The following CALN1 variants were observed in gnomAD, a reference collection of about 807,000 sequenced individuals.
CALN1 encodes the protein calcium-binding protein 8.
A neutral mutation model predicts 30.6 loss-of-function variants in CALN1; 17 were observed. That is an observed-to-expected ratio of 0.56 (90% CI 0.38 to 0.83). CALN1 has a LOEUF of 0.83. Among genes scored for constraint, CALN1 ranks in the 40% least tolerant of loss-of-function variants. The probability of loss-of-function intolerance (pLI) is 0.00; values close to 1 mark genes in which losing one functional copy is unlikely to be tolerated. For synonymous variants in CALN1, 156 were observed against 131.4 expected, an observed-to-expected ratio of 1.19 and a Z score of -1.28; for missense variants, 291 against 354.9, an observed-to-expected ratio of 0.82 and a Z score of 1.45.
chr7:72,213,471 G>C (rs1378265902), intron 3 of CALN1, among the ~76,000 whole-genome samples: 1 of 152,176 alleles, frequency 6.6e-6, no homozygotes, highest in African/African-American at 2.4e-5. Flanking sequence ...AAATGGGCTT[G>C]AGGATGTGTT....
intron 3 of CALN1, among the ~76,000 whole-genome samples, chr7:72,182,736 GA>G (rs11388147): frequency 2.1e-5 from 3 of 140,156 alleles, no homozygotes; most frequent in African/African-American, 5.5e-5. Flanking sequence ...AACAAAAAAT[GA>G]AAAAAAAATG....
intron 2 of CALN1, among the ~76,000 whole-genome samples, chr7:72,368,645 G>A (rs1008100659): frequency 5.3e-5 from 8 of 152,034 alleles, no homozygotes; most frequent in African/African-American, 1.7e-4. Context: ...TCATACGGAG[G>A]TCATCTGAAA....
chr7:72,452,574 G>A, the CALN1 span, among the ~76,000 whole-genome samples: 30 of 152,130 alleles, frequency 2.0e-4, no homozygotes, highest in Admixed American at 4.6e-4. Flanking sequence ...ACACCTCACC[G>A]GAAGCAGATG....
At chr7:72,049,741 C>T (rs1249817233) in intron 4 of CALN1, among the ~76,000 whole-genome samples, 2 of 151,712 alleles carry the variant, frequency 1.3e-5, no homozygotes, top group Non-Finnish European at 2.9e-5. Flanking sequence ...CTCCTGACCT[C>T]AGGTGATCCA....
intron 5 of CALN1, among the ~76,000 whole-genome samples, chr7:71,926,703 C>T (rs1056329661): frequency 1.3e-5 from 2 of 151,988 alleles, no homozygotes; most frequent in South Asian, 4.1e-4. Flanking sequence ...CTTTTTACCT[C>T]TTTGTGTTTC....
intron 6 of CALN1, among the ~76,000 whole-genome samples, 193 bp from the exon 7 acceptor site, chr7:71,788,095 T>C (rs2115835430): frequency 6.6e-6 from 1 of 152,298 alleles, no homozygotes. Flanking sequence ...TAATACAAAA[T>C]GCCTTCTGGT....
intron 2 of CALN1, among the ~76,000 whole-genome samples, chr7:72,330,514 A>G (rs1801601061): frequency 6.6e-6 from 1 of 151,692 alleles, no homozygotes; most frequent in African/African-American, 2.4e-5. Flanking sequence ...TGGCCATCCA[A>G]TCTGAAGCAG....
At chr7:72,146,701 CT>C (rs1459250129) in intron 3 of CALN1, among the ~76,000 whole-genome samples, 5 of 152,196 alleles carry the variant, frequency 3.3e-5, no homozygotes. Flanking sequence ...AGGCATCACA[CT>C]ACCTGACTTC....
chr7:72,148,038 A>C (rs1208778052), intron 3 of CALN1, among the ~76,000 whole-genome samples: 2 of 151,138 alleles, frequency 1.3e-5, no homozygotes, highest in African/African-American at 4.9e-5. Context: ...ACATGTATAC[A>C]TATGTAACAA....
At chr7:71,897,972 C>CAAAAAAAAAAAA (rs1207497270) in intron 5 of CALN1, among the ~76,000 whole-genome samples, 5 of 59,038 alleles carry the variant, frequency 8.5e-5, no homozygotes, top group Non-Finnish European at 1.1e-4. Context: ...AAACAAAAAA[C>CAAAAAAAAAAAA]AAAAAAAAAA....
At chr7:71,880,341 G>T (rs2116807158) in intron 5 of CALN1, among the ~76,000 whole-genome samples, 1 of 152,236 alleles carries the variant, frequency 6.6e-6, no homozygotes, top group Admixed American at 6.5e-5. Context: ...TTTTGCTTCA[G>T]GAAGACTATA....
At chr7:72,117,084 A>T (rs1808037294) in intron 3 of CALN1, among the ~76,000 whole-genome samples, 1 of 152,038 alleles carries the variant, frequency 6.6e-6, no homozygotes, top group Non-Finnish European at 1.5e-5. Flanking sequence ...AGGCCAAGAC[A>T]GGAGGATCAT....
chr7:72,163,165 T>C (rs1232253491), intron 3 of CALN1, among the ~76,000 whole-genome samples: 1 of 152,114 alleles, frequency 6.6e-6, no homozygotes, highest in East Asian at 1.9e-4. Context: ...GGCTAGTCCC[T>C]TGAAATAAAA....
chr7:72,279,609 C>T (rs1797595540), intron 2 of CALN1, among the ~76,000 whole-genome samples: 1 of 152,178 alleles, frequency 6.6e-6, no homozygotes, highest in Admixed American at 6.5e-5. Flanking sequence ...GCAAGGCTGA[C>T]TGGAGGCTCC....
Position 72,323,217 on chromosome 7 carries a change from TG to T in CALN1, c.120-44408del, listed in dbSNP as rs1306233738. 2.6e-5 allele frequency among the ~76,000 whole-genome samples: 4 copies of T among 151,654 alleles called. No individual in the cohort carries two copies. The East Asian group carries it at 7.8e-4, about 29-fold the overall frequency. On this transcript the variant is annotated intron_variant, in intron 2 of 6. Coordinates refer to ENST00000395275, the MANE Select transcript of CALN1 (RefSeq NM_031468.4). ...AGTGAGTCTGTCTTGTTCTGAGGGG[TG>T]GGAAAGGCAGGAACCCAGTCCTTTG...
chr7:72,081,417 G>GTGTGTGTGTGTGTGTGTGTGTCTGTC (rs145997789), intron 4 of CALN1, among the ~76,000 whole-genome samples: 1 of 146,190 alleles, frequency 6.8e-6, no homozygotes, highest in Non-Finnish European at 1.5e-5. Context: ...GTGTGTGTGT[G>GTGTGTGTGTGTGTGTGTGTGTCTGTC]TGTGTGTTTG....
At chr7:72,373,187 C>G (rs1240631867) in intron 2 of CALN1, among the ~76,000 whole-genome samples, 1 of 151,994 alleles carries the variant, frequency 6.6e-6, no homozygotes, top group Non-Finnish European at 1.5e-5. Context: ...TAGACCTATA[C>G]AAATCACGCA....
chr7:72,248,355 T>C (rs920050532), intron 3 of CALN1, among the ~76,000 whole-genome samples: 2 of 152,138 alleles, frequency 1.3e-5, no homozygotes, highest in African/African-American at 4.8e-5. Context: ...CACCTTGGCC[T>C]CCCAAAGGGC....
At chr7:72,302,893 CAAAAAAAAA>C (rs71069055) in intron 2 of CALN1, among the ~76,000 whole-genome samples, 1 of 48,750 alleles carries the variant, frequency 2.1e-5, no homozygotes, top group African/African-American at 7.6e-5. Flanking sequence ...GTGAGGGTCT[CAAAAAAAAA>C]AAAAAAAAAA....
Sources: gnomAD v4.1 joint callset for allele counts (sites outside exome capture counted in the v4.1 genomes callset) on GRCh38, gnomAD v4.1.1 for gene constraint, MANE v1.5 for transcripts, NCBI Gene and HGNC (gene_info 2026-07-23, HGNC 2026-07-21) for gene names.